Variants in FGF12 observed in about 807,000 individuals in gnomAD.
The protein encoded by FGF12 is fibroblast growth factor 12B.
In FGF12, 14 loss-of-function variants were observed where a neutral mutation model predicts 23.6. That is an observed-to-expected ratio of 0.59 (90% CI 0.39 to 0.93). The LOEUF (loss-of-function observed/expected upper bound fraction) is 0.93. Among genes scored for constraint, FGF12 ranks in the 40% least tolerant of loss-of-function variants. The pLI, the probability that FGF12 is intolerant of heterozygous loss-of-function variation, is 0.00. For missense variants in FGF12, 175 were observed against 217.8 expected, an observed-to-expected ratio of 0.80 and a Z score of 1.24; for synonymous variants, 62 against 77.3, an observed-to-expected ratio of 0.80 and a Z score of 1.04.
In FGF12 at chr3:192,482,216, T is replaced by A. The variant is rs182507154; in HGVS notation, c.14-121678A>T. On this transcript the variant is annotated intron_variant, in intron 2 of 5. Coordinates refer to ENST00000445105, the MANE Select transcript of FGF12 (RefSeq NM_004113.6). ...AGAATTTGAAAAGAACTAAGCAAAA[T>A]GTGTATGAGAAAAAATATAAACATA... Among the ~76,000 whole-genome samples, 8 of 152,216 alleles carry A rather than the reference T, an allele frequency of 5.3e-5. No individual in the cohort carries two copies. In the East Asian group the frequency reaches 1.5e-3, roughly 29 times the overall value.
intron 4 of FGF12, among the ~76,000 whole-genome samples, chr3:192,260,748 A>T (rs1325441674): frequency 3.9e-5 from 6 of 152,152 alleles, no homozygotes; most frequent in Admixed American, 3.9e-4. Context: ...GAGAGGTGTT[A>T]TCTCTCTGCA....
At chr3:192,450,913 A>G (rs756793090) in intron 2 of FGF12, among the ~76,000 whole-genome samples, 4 of 152,194 alleles carry the variant, frequency 2.6e-5, no homozygotes, top group Non-Finnish European at 5.9e-5. Context: ...TGTTCAACAC[A>G]CCTCAGCACC....
chr3:192,221,055 A>C (rs1384912438), intron 4 of FGF12, among the ~76,000 whole-genome samples: 1 of 152,204 alleles, frequency 6.6e-6, no homozygotes, highest in Non-Finnish European at 1.5e-5. Flanking sequence ...TTTAAAGGGA[A>C]GAGTACTGGT....
At chr3:192,249,771 G>A (rs1043031800) in intron 4 of FGF12, among the ~76,000 whole-genome samples, 4 of 152,138 alleles carry the variant, frequency 2.6e-5, no homozygotes, top group African/African-American at 9.6e-5. Flanking sequence ...AAAGGGAGAG[G>A]CATGTGAGGT....
At chr3:192,154,907 C>G (rs1205350936) in intron 5 of FGF12, among the ~76,000 whole-genome samples, 3 of 136,708 alleles carry the variant, frequency 2.2e-5, no homozygotes, top group Non-Finnish European at 1.6e-5. Flanking sequence ...GCGCCCCTCC[C>G]CCAGCCTCGC....
intron 2 of FGF12, among the ~76,000 whole-genome samples, chr3:192,496,932 T>C (rs745390406): frequency 9.8e-5 from 15 of 152,288 alleles, no homozygotes; most frequent in Non-Finnish European, 1.9e-4. Context: ...TTAGTCCTTA[T>C]ATCTCTTTTC....
intron 2 of FGF12, among the ~76,000 whole-genome samples, chr3:192,688,374 A>C (rs1330669182): frequency 2.6e-5 from 4 of 152,204 alleles, no homozygotes; most frequent in Non-Finnish European, 5.9e-5. Context: ...CCTCTGCCAC[A>C]GGTGAGGGTC....
In FGF12 at chr3:192,430,881, G is replaced by A. The variant is rs964425239; in HGVS notation, c.14-70343C>T. 3.9e-5 allele frequency among the ~76,000 whole-genome samples: 6 copies of A among 152,236 alleles called. No individual in the cohort carries two copies. In the East Asian group the frequency reaches 7.7e-4, roughly 20 times the overall value. On this transcript the variant is annotated intron_variant, in intron 2 of 5. Transcript: ENST00000445105. ...TAACCAGTGTATTGGGAGCATAATT[G>A]TTATTGGAATTTCTCAACCTTTGAG...
At chr3:192,462,113 T>C (rs1213436917) in intron 2 of FGF12, among the ~76,000 whole-genome samples, 1 of 150,504 alleles carries the variant, frequency 6.6e-6, no homozygotes, top group African/African-American at 2.5e-5. Context: ...TCACTAGTAA[T>C]AAAGAAATGT....
At chr3:192,212,574 T>C (rs2108680190) in intron 4 of FGF12, among the ~76,000 whole-genome samples, 1 of 152,260 alleles carries the variant, frequency 6.6e-6, no homozygotes, top group South Asian at 2.1e-4. Context: ...GGCTAATAAC[T>C]TATAGCACAA....
intron 2 of FGF12, among the ~76,000 whole-genome samples, chr3:192,683,682 C>G (rs1244857576): frequency 6.6e-6 from 1 of 152,002 alleles, no homozygotes; most frequent in African/African-American, 2.4e-5. Context: ...TGAATAAAGC[C>G]CTGCCTAATA....
chr3:192,209,648 G>GTACAGGATTTTAGAGATAGGA (rs1184054376), intron 4 of FGF12, among the ~76,000 whole-genome samples: 5 of 152,134 alleles, frequency 3.3e-5, no homozygotes, highest in Admixed American at 1.3e-4. Flanking sequence ...CCTCACATCA[G>GTACAGGATTTTAGAGATAGGA]TACAGGATTT....
chr3:192,668,791 A>G (rs1716994127), intron 2 of FGF12, among the ~76,000 whole-genome samples: 1 of 152,246 alleles, frequency 6.6e-6, no homozygotes, highest in Non-Finnish European at 1.5e-5. Context: ...GAAAAAGCTC[A>G]GCAATGGGAC....
intron 2 of FGF12, among the ~76,000 whole-genome samples, chr3:192,682,456 C>A (rs1717567298): frequency 6.6e-6 from 1 of 152,166 alleles, no homozygotes; most frequent in Non-Finnish European, 1.5e-5. Context: ...TTCTCTTCAC[C>A]TCTGGATCTC....
intron 4 of FGF12, among the ~76,000 whole-genome samples, chr3:192,178,850 T>C (rs1438055985): frequency 1.3e-5 from 2 of 152,206 alleles, no homozygotes; most frequent in African/African-American, 4.8e-5. Context: ...TGCCACCTTG[T>C]GGATTCAGTT....
chr3:192,382,209 G>A (rs1455207465), intron 2 of FGF12, among the ~76,000 whole-genome samples: 1 of 151,996 alleles, frequency 6.6e-6, no homozygotes, highest in Non-Finnish European at 1.5e-5. Context: ...TGTTAGCCAG[G>A]ATGGTCTCGA....
At chr3:192,653,275 G>A (rs901414225) in intron 2 of FGF12, among the ~76,000 whole-genome samples, 2 of 152,146 alleles carry the variant, frequency 1.3e-5, no homozygotes, top group African/African-American at 2.4e-5. Context: ...GAGTGGTGAC[G>A]AGAAATAAGT....
chr3:192,246,916 AAAAGAAAG>A (rs1272171560), intron 4 of FGF12, among the ~76,000 whole-genome samples: 1 of 117,026 alleles, frequency 8.5e-6, no homozygotes, highest in Non-Finnish European at 1.6e-5. Context: ...AAGAAAGAGA[AAAAGAAAG>A]AAAGAAAGAA....
chr3:192,205,306 A>T (rs755373324), intron 4 of FGF12, among the ~76,000 whole-genome samples: 38 of 152,172 alleles, frequency 2.5e-4, no homozygotes, highest in Non-Finnish European at 5.0e-4. Context: ...CCTTTATAGC[A>T]CTTTCTAAGA....
Sources: allele counts gnomAD v4.1 joint callset (sites outside exome capture counted in the v4.1 genomes callset), GRCh38; gene constraint gnomAD v4.1.1; transcripts MANE v1.5; gene names NCBI Gene and HGNC (gene_info 2026-07-23, HGNC 2026-07-21).